Variants in LY86 observed in about 807,000 individuals in gnomAD.
The protein encoded by LY86 is MD-1, RP105-associated.
LY86 carries 20 observed loss-of-function variants against 17.3 expected under a neutral mutation model. The observed-to-expected ratio is 1.15, with a 90% CI of 0.81 to 1.68. The LOEUF (loss-of-function observed/expected upper bound fraction) is 1.68. Among genes scored for constraint, LY86 ranks in the 40% most tolerant of loss-of-function variants. The pLI is 0.00. For missense variants in LY86, 200 were observed against 191.9 expected, an observed-to-expected ratio of 1.04 and a Z score of -0.25; for synonymous variants, 74 against 70.6, an observed-to-expected ratio of 1.05 and a Z score of -0.24.
At chr6:6,600,587 CAAAAAAAAAAAAAAAAAAAAAAAAAAA>C (rs59560744) in intron 1 of LY86, among the ~76,000 whole-genome samples, 5 of 82,458 alleles carry the variant, frequency 6.1e-5, no homozygotes, top group East Asian at 3.8e-4. Context: ...GAGACTCCAT[CAAAAAAAAAAAAAAAAAAAAAAAAAAA>C]AAAAAAAAAA....
At chr6:6,600,652 C>CCCCTAACA (rs1760878333) in intron 1 of LY86, among the ~76,000 whole-genome samples, 1 of 146,776 alleles carries the variant, frequency 6.8e-6, no homozygotes, top group South Asian at 2.2e-4. Context: ...GTCACTTGGG[C>CCCCTAACA]CCCTAACACC....
At chr6:6,610,151 G>C (rs1263887396) in intron 1 of LY86, among the ~76,000 whole-genome samples, 1 of 152,134 alleles carries the variant, frequency 6.6e-6, no homozygotes, top group South Asian at 2.1e-4. Flanking sequence ...GAACACGTGC[G>C]TGCGTGTGAA....
At chr6:6,623,672 C>T (rs552523090) in intron 1 of LY86, among the ~76,000 whole-genome samples, 26 of 152,276 alleles carry the variant, frequency 1.7e-4, no homozygotes, top group African/African-American at 5.8e-4. Flanking sequence ...GACTGTGAGG[C>T]TGTGAGGCTC....
At chr6:6,605,842 T>C (rs1023781385) in intron 1 of LY86, among the ~76,000 whole-genome samples, 1 of 152,034 alleles carries the variant, frequency 6.6e-6, no homozygotes, top group Non-Finnish European at 1.5e-5. Flanking sequence ...CGGTGAATGT[T>C]ACAGCTCTTA....
intron 1 of LY86, chr6:6,591,283 T>TC (rs1253788750): frequency 1.3e-5 from 2 of 153,782 alleles, no homozygotes; most frequent in East Asian, 3.9e-4. Context: ...AGGTGAAGTT[T>TC]CCCCATGGAG....
Position 6,608,263 on chromosome 6 carries a change from A to G in LY86, c.137-16663A>G, listed in dbSNP as rs1761244885. Among the ~76,000 whole-genome samples, 5 of 152,384 alleles carry G rather than the reference A, an allele frequency of 3.3e-5. No homozygotes were observed. The South Asian group carries it at 1.0e-3, about 32-fold the overall frequency. ...ATAATATGACTTTGTCTACGCAGAA[A>G]AACCTAATCTACAAATTACTGGAAC... On this transcript the variant is annotated intron_variant, in intron 1 of 4. Coordinates refer to ENST00000230568, the MANE Select transcript of LY86 (RefSeq NM_004271.4).
chr6:6,605,729 A>G (rs550969985), intron 1 of LY86, among the ~76,000 whole-genome samples: 2 of 152,192 alleles, frequency 1.3e-5, no homozygotes, highest in Admixed American at 6.5e-5. Context: ...TGAGTGTTAC[A>G]GTTCTTAAAA....
chr6:6,633,776 A>C (rs1458023475), intron 3 of LY86, among the ~76,000 whole-genome samples: 2 of 152,238 alleles, frequency 1.3e-5, no homozygotes, highest in African/African-American at 4.8e-5. Flanking sequence ...CCAAGTGAGT[A>C]ATACTCTTTC....
intron 1 of LY86, among the ~76,000 whole-genome samples, chr6:6,613,406 T>C (rs1364413507): frequency 3.9e-5 from 6 of 152,180 alleles, no homozygotes; most frequent in Admixed American, 3.9e-4. Flanking sequence ...ACTTCAGGCA[T>C]GGTGGGCTGC....
intron 1 of LY86, among the ~76,000 whole-genome samples, chr6:6,596,694 GATT>G (rs1367338238): frequency 6.6e-6 from 1 of 152,152 alleles, no homozygotes; most frequent in Non-Finnish European, 1.5e-5. Context: ...CTGTGGTGCA[GATT>G]TTTTTTAATG....
chr6:6,654,472 C>A, intron 4 of LY86, 72 bp from the exon 5 acceptor site: 2 of 1,189,560 alleles, frequency 1.7e-6, no homozygotes, highest in Non-Finnish European at 2.5e-6. Context: ...AAAAGTTTCT[C>A]TGTAAATATT....
intron 3 of LY86, among the ~76,000 whole-genome samples, chr6:6,634,842 G>T (rs767197150): frequency 6.6e-6 from 1 of 152,208 alleles, no homozygotes; most frequent in Non-Finnish European, 1.5e-5. Flanking sequence ...AGGGAATTTG[G>T]GGGGAGTGCT....
At chr6:6,627,015 C>A (rs944658282) in intron 3 of LY86, among the ~76,000 whole-genome samples, 3 of 152,152 alleles carry the variant, frequency 2.0e-5, no homozygotes, top group Non-Finnish European at 2.9e-5. Flanking sequence ...CACCTTCCCC[C>A]ACCTGTCCCC....
intron 3 of LY86, among the ~76,000 whole-genome samples, chr6:6,641,134 C>T (rs1762033810): frequency 6.6e-6 from 1 of 152,182 alleles, no homozygotes; most frequent in African/African-American, 2.4e-5. Context: ...GGGGTGAGAC[C>T]AAATATGCTG....
intron 3 of LY86, among the ~76,000 whole-genome samples, chr6:6,630,359 C>G (rs543362071): frequency 6.6e-6 from 1 of 152,342 alleles, no homozygotes; most frequent in South Asian, 2.1e-4. Context: ...ATACCCACAG[C>G]CCCATTTACT....
rs201581098 is a variant in LY86 at position 6,600,761 on chromosome 6, C to CCTTCCACT, written c.136+11892_136+11899dup. 9.5e-3 allele frequency among the ~76,000 whole-genome samples: 1,451 copies of CCTTCCACT among 152,238 alleles called. 15 individuals carry two copies. Among genetic ancestry groups the CCTTCCACT allele is most frequent in the South Asian group, 0.026 (124 of 4,820 alleles). On this transcript the variant is annotated intron_variant, in intron 1 of 4. Transcript: ENST00000230568. The stretch of plus-strand genomic sequence containing the variant: ...TCATCCATCAGATAAACACCAAAAT[C>CCTTCCACT]CTTCCACTTCTCTCCACTGGGATCA...
intron 1 of LY86, among the ~76,000 whole-genome samples, chr6:6,623,016 T>C (rs532130530): frequency 6.6e-6 from 1 of 152,366 alleles, no homozygotes; most frequent in Non-Finnish European, 1.5e-5. Context: ...TCTCCGAGTC[T>C]ATATTTTCGT....
chr6:6,613,550 C>T (rs1395820225), intron 1 of LY86, among the ~76,000 whole-genome samples: 1 of 152,098 alleles, frequency 6.6e-6, no homozygotes, highest in African/African-American at 2.4e-5. Context: ...AGTGCGGGGC[C>T]CGCCGATCCC....
At chr6:6,645,870 A>G in intron 3 of LY86, among the ~76,000 whole-genome samples, 1 of 151,998 alleles carries the variant, frequency 6.6e-6, no homozygotes, top group Admixed American at 6.6e-5. Flanking sequence ...AGAATTGGCA[A>G]GAAAGCTGGA....
Sources: allele counts gnomAD v4.1 joint callset (sites outside exome capture counted in the v4.1 genomes callset), GRCh38; gene constraint gnomAD v4.1.1; transcripts MANE v1.5; gene names NCBI Gene and HGNC (gene_info 2026-07-23, HGNC 2026-07-21).